The following SPECC1 variants were observed in gnomAD, a reference collection of about 807,000 sequenced individuals.
SPECC1 encodes cytospin-B.
In SPECC1, 62 loss-of-function variants were observed where a neutral mutation model predicts 104.1. That is an observed-to-expected ratio of 0.60 (90% CI 0.49 to 0.74). The LOEUF (loss-of-function observed/expected upper bound fraction) is 0.74. Ranked by LOEUF, SPECC1 falls within the 30% of genes least tolerant of loss-of-function variation. The pLI is 0.00. For synonymous variants in SPECC1, 513 were observed against 501.6 expected (o/e 1.02, Z -0.30); for missense variants, 1,306 against 1,310.5 (o/e 1.00, Z 0.05).
chr17:20,273,421 C>T (rs923789228), intron 12 of SPECC1, among the ~76,000 whole-genome samples: 2 of 151,072 alleles, frequency 1.3e-5, no homozygotes, highest in South Asian at 2.1e-4. Flanking sequence ...GAGGCGAGAT[C>T]GTGCCACTGC....
chr17:20,260,394 C>T (rs777307959), intron 12 of SPECC1, 100 bp downstream of exon 12: 31 of 935,012 alleles, frequency 3.3e-5, no homozygotes, highest in Non-Finnish European at 4.9e-5. Context: ...GGCCAATATG[C>T]ATGTAATTGT....
At chr17:20,100,003 C>G (rs1231037435) in intron 2 of SPECC1, among the ~76,000 whole-genome samples, 3 of 152,142 alleles carry the variant, frequency 2.0e-5, no homozygotes, top group Non-Finnish European at 4.4e-5. Context: ...TAAGTGATCT[C>G]TAGATTACTT....
intron 3 of SPECC1, among the ~76,000 whole-genome samples, chr17:20,197,030 C>T (rs916236574): frequency 6.6e-6 from 1 of 152,136 alleles, no homozygotes; most frequent in African/African-American, 2.4e-5. Flanking sequence ...ATAAACATTA[C>T]ACATAATATG....
intron 2 of SPECC1, among the ~76,000 whole-genome samples, chr17:20,104,242 A>G (rs1160306917): frequency 6.6e-6 from 1 of 152,200 alleles, no homozygotes; most frequent in Non-Finnish European, 1.5e-5. Flanking sequence ...CAGTCAGTGC[A>G]GGATCGTGAA....
At chr17:20,144,625 C>T (rs927728068) in intron 3 of SPECC1, among the ~76,000 whole-genome samples, 1 of 152,150 alleles carries the variant, frequency 6.6e-6, no homozygotes, top group Admixed American at 6.5e-5. Context: ...ATCTTGAAGG[C>T]CAATGATGAC....
chr17:20,225,472 G>C (rs776254446), intron 4 of SPECC1, among the ~76,000 whole-genome samples: 2 of 152,228 alleles, frequency 1.3e-5, no homozygotes, highest in African/African-American at 2.4e-5. Context: ...GCTAGGGCTG[G>C]TCTAAATGCT....
chr17:20,090,546 A>G (rs2047360601), intron 1 of SPECC1, among the ~76,000 whole-genome samples: 1 of 150,332 alleles, frequency 6.7e-6, no homozygotes, highest in Non-Finnish European at 1.5e-5. Context: ...CCTATACTGT[A>G]GTTTTTATTC....
intron 1 of SPECC1, among the ~76,000 whole-genome samples, chr17:20,090,238 C>A (rs890939407): frequency 5.3e-5 from 8 of 152,204 alleles, no homozygotes; most frequent in African/African-American, 1.7e-4. Flanking sequence ...GACACTGTAC[C>A]TGTGTCCCAT....
intron 3 of SPECC1, chr17:20,112,369 C>T (rs779218325): frequency 5.3e-6 from 4 of 757,622 alleles, no homozygotes; most frequent in East Asian, 4.9e-5. Context: ...TGATTGAACA[C>T]CTAGAAATGG....
intron 12 of SPECC1, among the ~76,000 whole-genome samples, chr17:20,270,467 A>AC (rs2040369897): frequency 3.8e-4 from 41 of 108,400 alleles, no homozygotes; most frequent in Non-Finnish European, 5.9e-4. Flanking sequence ...AAAAAAAAAA[A>AC]CATTAGCCGG....
intron 1 of SPECC1, among the ~76,000 whole-genome samples, chr17:20,036,360 C>CCT (rs1315478089): frequency 2.6e-5 from 4 of 151,866 alleles, no homozygotes; most frequent in Non-Finnish European, 4.4e-5. Context: ...AAACTCCCGA[C>CCT]CTCAAGTTTT....
chr17:20,031,311 T>A (rs575033976), intron 1 of SPECC1, among the ~76,000 whole-genome samples: 8 of 152,230 alleles, frequency 5.3e-5, no homozygotes, highest in Admixed American at 2.0e-4. Flanking sequence ...TAATCATTTT[T>A]AAATTTTTTT....
chr17:20,298,181 A>G (rs2041418555), intron 13 of SPECC1, among the ~76,000 whole-genome samples: 1 of 152,142 alleles, frequency 6.6e-6, no homozygotes, highest in Non-Finnish European at 1.5e-5. Flanking sequence ...GTGAAACTCC[A>G]TCTCTACTAA....
intron 2 of SPECC1, among the ~76,000 whole-genome samples, chr17:20,106,874 G>A (rs1465605112): frequency 6.6e-6 from 1 of 152,046 alleles, no homozygotes; most frequent in East Asian, 1.9e-4. Flanking sequence ...ATGTGGTCGT[G>A]GGCCAGGCGT....
intron 3 of SPECC1, among the ~76,000 whole-genome samples, chr17:20,173,788 G>A (rs1486358138): frequency 6.6e-6 from 1 of 152,208 alleles, no homozygotes; most frequent in Non-Finnish European, 1.5e-5. Context: ...GCCTTACAGT[G>A]TTTAAAGTTT....
intron 3 of SPECC1, among the ~76,000 whole-genome samples, chr17:20,177,579 G>A (rs1049083307): frequency 2.0e-5 from 3 of 152,014 alleles, no homozygotes; most frequent in Non-Finnish European, 4.4e-5. Flanking sequence ...TTAGTTAACG[G>A]CATATCAACA....
In SPECC1 at chr17:20,262,161, A is replaced by G. The variant is rs140512637; in HGVS notation, c.2940+1867A>G. ...CTGTAATTTGTTCATTTTCTTCACCATTTAGTAACCCATTGTAGGATTATA... is the reference window on the plus strand; with the variant it reads ...CTGTAATTTGTTCATTTTCTTCACCGTTTAGTAACCCATTGTAGGATTATA... On this transcript the variant is annotated intron_variant, in intron 12 of 14. Coordinates refer to ENST00000395527, the MANE Select transcript of SPECC1 (RefSeq NM_001243439.2). Among the ~76,000 whole-genome samples the G allele has an allele frequency of 1.8e-3, 278 of 152,300 alleles. 1 individual carries two copies. Among genetic ancestry groups the G allele is most frequent in the Middle Eastern group, 0.014 (4 of 294 alleles).
intron 3 of SPECC1, among the ~76,000 whole-genome samples, chr17:20,177,911 T>C (rs1312387536): frequency 6.6e-6 from 1 of 152,060 alleles, no homozygotes; most frequent in Non-Finnish European, 1.5e-5. Flanking sequence ...GGTTTCACCA[T>C]GTTGGCCAGA....
intron 3 of SPECC1, among the ~76,000 whole-genome samples, chr17:20,160,484 A>AC (rs2033038172): frequency 6.6e-6 from 1 of 152,206 alleles, no homozygotes; most frequent in African/African-American, 2.4e-5. Flanking sequence ...AGCAGAGAGC[A>AC]TGCATATTGG....
Sources: allele counts gnomAD v4.1 joint callset (sites outside exome capture counted in the v4.1 genomes callset), GRCh38; gene constraint gnomAD v4.1.1; transcripts MANE v1.5; gene names NCBI Gene and HGNC (gene_info 2026-07-23, HGNC 2026-07-21).